The following TRIM75 variants were observed in gnomAD, a reference collection of about 807,000 sequenced individuals.
The protein encoded by TRIM75 is tripartite motif containing 75.
the TRIM75 span, among the ~76,000 whole-genome samples, chr4:165,057,159 T>C: frequency 6.6e-6 from 1 of 152,206 alleles, no homozygotes; most frequent in African/African-American, 2.4e-5. Flanking sequence ...ATTCTGCCAA[T>C]ACTGACTAGA....
the TRIM75 span, among the ~76,000 whole-genome samples, chr4:165,056,602 C>CTTTTTTTTTTTTTTT: frequency 5.7e-5 from 4 of 69,962 alleles, no homozygotes; most frequent in Admixed American, 1.8e-4. Flanking sequence ...GTCTCTGTCT[C>CTTTTTTTTTTTTTTT]TTTTTTTTTT....
At chr4:165,055,738 C>T in the TRIM75 span, among the ~76,000 whole-genome samples, 1 of 152,082 alleles carries the variant, frequency 6.6e-6, no homozygotes, top group African/African-American at 2.4e-5. Context: ...ATCAGCTGTC[C>T]AGAGATGCCT....
the TRIM75 span, chr4:165,060,244 G>A: frequency 1.3e-6 from 1 of 780,938 alleles, no homozygotes; most frequent in Non-Finnish European, 2.4e-6. Context: ...ATTGGCATTT[G>A]CAAAGATTCT....
chr4:165,059,575 G>T, the TRIM75 span: 1 of 780,862 alleles, frequency 1.3e-6, no homozygotes, highest in East Asian at 2.4e-5. Flanking sequence ...TATAGGAAAA[G>T]ATTCTGCAGT....
the TRIM75 span, among the ~76,000 whole-genome samples, chr4:165,057,341 G>GA: frequency 3.3e-5 from 5 of 151,918 alleles, no homozygotes; most frequent in South Asian, 2.1e-4. Flanking sequence ...AAGACCTCTA[G>GA]AAAAAATAAC....
chr4:165,057,786 G>A, the TRIM75 span, among the ~76,000 whole-genome samples: 1 of 152,040 alleles, frequency 6.6e-6, no homozygotes, highest in Non-Finnish European at 1.5e-5. Flanking sequence ...CTCCCACCTC[G>A]GCCTCCCAAA....
At chr4:165,060,269 G>A in the TRIM75 span, 2 of 780,804 alleles carry the variant, frequency 2.6e-6, no homozygotes, top group South Asian at 1.3e-5. Flanking sequence ...CCACAAAGGC[G>A]AGGAGACCCT....
At chr4:165,055,708 T>C in the TRIM75 span, among the ~76,000 whole-genome samples, 2 of 152,278 alleles carry the variant, frequency 1.3e-5, no homozygotes, top group East Asian at 1.9e-4. Flanking sequence ...TGGCAGGACC[T>C]GAGCTTTGCA....
chr4:165,058,961 G>T, the TRIM75 span, among the ~76,000 whole-genome samples: 1 of 152,140 alleles, frequency 6.6e-6, no homozygotes. Flanking sequence ...TAAAGGGTCC[G>T]AAGATTCAAA....
the TRIM75 span, among the ~76,000 whole-genome samples, chr4:165,058,011 A>G: frequency 6.6e-6 from 1 of 151,970 alleles, no homozygotes; most frequent in Non-Finnish European, 1.5e-5. Context: ...AATACTGAAA[A>G]TATTTTCGCA....
At chr4:165,060,362 G>A in the TRIM75 span, 2 of 780,806 alleles carry the variant, frequency 2.6e-6, no homozygotes, top group South Asian at 2.7e-5. Context: ...CCCCTCTGTT[G>A]TTAGAGGTGA....
At chr4:165,054,697 C>T in the TRIM75 span, among the ~76,000 whole-genome samples, 10 of 152,106 alleles carry the variant, frequency 6.6e-5, no homozygotes, top group Admixed American at 2.0e-4. Flanking sequence ...ACCGCGCCTG[C>T]GGCATAAGGT....
At chr4:165,059,889 T>C in the TRIM75 span, 1 of 779,334 alleles carries the variant, frequency 1.3e-6, no homozygotes, top group Non-Finnish European at 2.4e-6. Flanking sequence ...TGAACTGGAA[T>C]TGCTGTCACA....
the TRIM75 span, among the ~76,000 whole-genome samples, chr4:165,054,506 A>G: frequency 6.6e-6 from 1 of 151,928 alleles, no homozygotes; most frequent in South Asian, 2.1e-4. Context: ...TGACCTCGTG[A>G]TCCACCCGCC....
chr4:165,056,897 G>A, the TRIM75 span, among the ~76,000 whole-genome samples: 3,255 of 152,050 alleles, frequency 0.021, 77 homozygotes, highest in African/African-American at 0.06. Flanking sequence ...GATTATAGGC[G>A]TGAGCCACTG....
chr4:165,056,412 C>T, the TRIM75 span, among the ~76,000 whole-genome samples: 1 of 151,762 alleles, frequency 6.6e-6, no homozygotes, highest in Non-Finnish European at 1.5e-5. Context: ...AGGACTGTCC[C>T]TTCACTAGAT....
At chr4:165,059,826 A>G in the TRIM75 span, 1 of 780,810 alleles carries the variant, frequency 1.3e-6, no homozygotes, top group Non-Finnish European at 2.4e-6. Flanking sequence ...TTCAAACTAC[A>G]GTGCCACACT....
chr4:165,059,201 C>T, the TRIM75 span: 1 of 780,198 alleles, frequency 1.3e-6, no homozygotes, highest in Non-Finnish European at 2.4e-6. Flanking sequence ...AGTGCTCCAT[C>T]TGTCTGGATT....
the TRIM75 span, among the ~76,000 whole-genome samples, chr4:165,056,148 C>T: frequency 6.6e-6 from 1 of 151,618 alleles, no homozygotes; most frequent in Non-Finnish European, 1.5e-5. Flanking sequence ...GCTGGGAGAC[C>T]CCATCTCTTT....
Sources: allele counts gnomAD v4.1 joint callset (sites outside exome capture counted in the v4.1 genomes callset), GRCh38; gene constraint gnomAD v4.1.1; transcripts MANE v1.5; gene names NCBI Gene and HGNC (gene_info 2026-07-23, HGNC 2026-07-21).